CCNB2: variants seen among roughly 807,000 people sequenced by gnomAD.
CCNB2 encodes G2/mitotic-specific cyclin-B2.
CCNB2 carries 39 observed loss-of-function variants against 51.1 expected under a neutral mutation model. The observed-to-expected ratio is 0.76, with a 90% CI of 0.59 to 1.00. The LOEUF is 1.00. Ranked by LOEUF, CCNB2 falls within the 50% of genes least tolerant of loss-of-function variation. The pLI is 0.00. For missense variants in CCNB2, 472 were observed against 470.3 expected (o/e 1.00, Z -0.03); for synonymous variants, 174 against 165.5 (o/e 1.05, Z -0.40).
chr15:59,113,216 A>G (rs1294066285), intron 3 of CCNB2, among the ~76,000 whole-genome samples: 12 of 152,186 alleles, frequency 7.9e-5, no homozygotes, highest in African/African-American at 2.9e-4. Flanking sequence ...TATTTTATTT[A>G]TAGACTGCAA....
chr15:59,117,170 T>A, intron 6 of CCNB2, 58 bp from the exon 7 acceptor site: 1 of 1,579,614 alleles, frequency 6.3e-7, no homozygotes, highest in Non-Finnish European at 8.7e-7. Flanking sequence ...TCACGCAGAA[T>A]TTTGCAAGAC....
At chr15:59,105,564 C>T (rs1335123253) in intron 1 of CCNB2, among the ~76,000 whole-genome samples, 1 of 152,208 alleles carries the variant, frequency 6.6e-6, no homozygotes, top group Non-Finnish European at 1.5e-5. Context: ...GTCAAGTGAG[C>T]CCCCAGAGCA....
intron 7 of CCNB2, among the ~76,000 whole-genome samples, chr15:59,117,768 C>G (rs2079285173): frequency 6.6e-6 from 1 of 152,156 alleles, no homozygotes; most frequent in African/African-American, 2.4e-5. Context: ...AGTGCCTGGC[C>G]TGAAGCAATT....
chr15:59,119,087 A>T (rs750328404), intron 7 of CCNB2, among the ~76,000 whole-genome samples: 4 of 152,194 alleles, frequency 2.6e-5, no homozygotes, highest in Non-Finnish European at 5.9e-5. Context: ...AGGACTTCTG[A>T]TTGTAACCTT....
intron 7 of CCNB2, among the ~76,000 whole-genome samples, chr15:59,118,990 A>T (rs1040560501): frequency 1.3e-5 from 2 of 152,172 alleles, no homozygotes; most frequent in Admixed American, 1.3e-4. Context: ...ATATTTGTTA[A>T]TTTTTTGGTA....
intron 8 of CCNB2, 24 bp from the exon 9 acceptor site, chr15:59,124,743 C>T (rs1236099018): frequency 4.5e-6 from 7 of 1,541,030 alleles, no homozygotes; most frequent in Non-Finnish European, 6.3e-6. Context: ...CTGACATGTG[C>T]TTAATCACAA....
Position 59,107,643 on chromosome 15 carries a change from A to G in CCNB2, c.240A>G (p.Pro80=), listed in dbSNP as rs34747071. Residue 80 remains proline (P), a synonymous_variant, in exon 3 of 9, where the codon CCA becomes CCG. Transcript: ENST00000288207. ...KQLKPTASVK[P]VQMEKLAPKG... ...TGAAACCTACTGCTTCTGTCAAACC[A>G]GTACAGATGGAAAAGTTGGCTCCAA... 916 of 1,614,024 alleles carry G rather than the reference A, an allele frequency of 5.7e-4. 8 individuals carry two copies. The African/African-American group carries it at 0.011, about 20-fold the overall frequency.
At chr15:59,122,088 A>T (rs1749881363) in intron 7 of CCNB2, among the ~76,000 whole-genome samples, 1 of 151,998 alleles carries the variant, frequency 6.6e-6, no homozygotes, top group East Asian at 1.9e-4. Flanking sequence ...ACTGCACTCC[A>T]GCCTGGGCAA....
At chr15:59,105,337 C>T (rs113384931) in intron 1 of CCNB2, 45 bp downstream of exon 1, 3 of 1,536,792 alleles carry the variant, frequency 2.0e-6, no homozygotes, top group Admixed American at 2.0e-5. Context: ...TCCGTCGGCC[C>T]CACAGCTCCC....
Position 59,107,650 on chromosome 15 carries a change from A to G in CCNB2, c.247A>G (p.Met83Val), listed in dbSNP as rs1374301768. The G allele has an allele frequency of 2.5e-6, 4 of 1,613,754 alleles. No homozygotes were observed. The highest frequency in any genetic ancestry group is 3.4e-6 in the Non-Finnish European group (4 of 1,179,946). Reference sequence around the variant, plus strand: ...TACTGCTTCTGTCAAACCAGTACAGATGGAAAAGTTGGCTCCAAAGGTAGG... The same window carrying G: ...TACTGCTTCTGTCAAACCAGTACAGGTGGAAAAGTTGGCTCCAAAGGTAGG... ...KPTASVKPVQMEKLAPKGPSP... is the reference protein window; with the variant it reads ...KPTASVKPVQVEKLAPKGPSP... The change falls in exon 3 of 9, where the codon ATG becomes GTG. Residue 83 changes from methionine (M) to valine (V), a missense_variant. Transcript: ENST00000288207.
intron 7 of CCNB2, chr15:59,121,360 C>G (rs1308948556): frequency 6.6e-6 from 1 of 152,142 alleles, no homozygotes; most frequent in Non-Finnish European, 1.5e-5. Flanking sequence ...GTACATGGTA[C>G]CAATGGCTCA....
intron 3 of CCNB2, among the ~76,000 whole-genome samples, chr15:59,108,539 A>G (rs2079245200): frequency 8.3e-6 from 1 of 120,544 alleles, no homozygotes; most frequent in Non-Finnish European, 1.7e-5. Flanking sequence ...ATGTCTCAGA[A>G]TGTCTTTCAT....
In CCNB2 at chr15:59,124,843, A is replaced by T. The variant is rs1358299264; in HGVS notation, c.1163A>T (p.Lys388Ile). ...CCTCAGCTGAACTCAAAAGCCGTCA[A>T]AGACCTTGCCTCCCCACTGATAGGA... ...MIPQLNSKAV[K>I]DLASPLIGRS Residue 388 changes from lysine to isoleucine, a missense_variant, in exon 9 of 9, where the codon AAA (lysine) becomes ATA (isoleucine). By Grantham distance (102) the Lys-to-Ile change is moderately radical. Coordinates refer to ENST00000288207, the MANE Select transcript of CCNB2 (RefSeq NM_004701.4). 3 of 1,606,382 alleles carry T rather than the reference A, an allele frequency of 1.9e-6. No homozygotes were observed. In the South Asian group the frequency reaches 3.3e-5, roughly 18 times the overall value.
intron 7 of CCNB2, among the ~76,000 whole-genome samples, chr15:59,122,655 GCTC>G (rs1442249153): frequency 6.7e-6 from 1 of 150,244 alleles, no homozygotes; most frequent in Non-Finnish European, 1.5e-5. Context: ...TTCCTCCTCA[GCTC>G]CTCAAGTAAC....
chr15:59,105,903 T>C (rs1488414486), intron 1 of CCNB2, among the ~76,000 whole-genome samples: 1 of 152,240 alleles, frequency 6.6e-6, no homozygotes, highest in Non-Finnish European at 1.5e-5. Flanking sequence ...TTTACTCAAA[T>C]GTAACAGAGG....
chr15:59,118,424 A>G (rs1427384807), intron 7 of CCNB2, among the ~76,000 whole-genome samples: 2 of 152,180 alleles, frequency 1.3e-5, no homozygotes, highest in African/African-American at 4.8e-5. Context: ...GTGCCATGCC[A>G]GTAATCCCAG....
At chr15:59,109,301 C>G (rs1452335372) in intron 3 of CCNB2, among the ~76,000 whole-genome samples, 1 of 152,098 alleles carries the variant, frequency 6.6e-6, no homozygotes, top group Admixed American at 6.5e-5. Context: ...GCTGGGATTA[C>G]AGGTGTGAGC....
At chr15:59,114,914 T>C (rs1279215711) in intron 5 of CCNB2, 38 bp downstream of exon 5, 1 of 1,579,412 alleles carries the variant, frequency 6.3e-7, no homozygotes, top group Non-Finnish European at 8.6e-7. Flanking sequence ...CAGTGGCTCA[T>C]TGAACATTGC....
chr15:59,123,428 T>G (rs1381704309), intron 7 of CCNB2, 89 bp from the exon 8 acceptor site: 6 of 729,266 alleles, frequency 8.2e-6, no homozygotes, highest in African/African-American at 1.8e-5. Context: ...ATAAGTAATG[T>G]CATCATGTAC....
Sources: allele counts gnomAD v4.1 joint callset (sites outside exome capture counted in the v4.1 genomes callset), GRCh38; gene constraint gnomAD v4.1.1; transcripts MANE v1.5; gene names NCBI Gene and HGNC (gene_info 2026-07-23, HGNC 2026-07-21).